Variants in RBMS3 observed in about 807,000 individuals in gnomAD.
The protein encoded by RBMS3 is RNA binding motif single stranded interacting protein 3, also known as RNA-binding motif, single-stranded-interacting protein 3.
A neutral mutation model predicts 66.8 loss-of-function variants in RBMS3; 27 were observed. That is an observed-to-expected ratio of 0.40 (90% CI 0.30 to 0.56). The LOEUF (loss-of-function observed/expected upper bound fraction) is 0.56. Ranked by LOEUF, RBMS3 falls within the 20% of genes least tolerant of loss-of-function variation. The pLI, the probability that RBMS3 is intolerant of heterozygous loss-of-function variation, is 0.40. For synonymous variants in RBMS3, 188 were observed against 183.0 expected (o/e 1.03, Z -0.22); for missense variants, 513 against 549.5 (o/e 0.93, Z 0.66).
chr3:29,641,981 C>T (rs2049732405), intron 4 of RBMS3, among the ~76,000 whole-genome samples: 1 of 152,064 alleles, frequency 6.6e-6, no homozygotes. Flanking sequence ...TTGGCAAGTC[C>T]TACCCAAAGA....
intron 5 of RBMS3, 50 bp from the exon 6 acceptor site, chr3:29,762,860 T>G (rs766043006): frequency 7.9e-7 from 1 of 1,271,846 alleles, no homozygotes. Context: ...TTCTTAAGTT[T>G]CTTTTTCTTG....
chr3:29,558,083 G>A (rs1300981864), intron 3 of RBMS3, among the ~76,000 whole-genome samples: 1 of 152,154 alleles, frequency 6.6e-6, no homozygotes, highest in African/African-American at 2.4e-5. Context: ...CTCACAGTGA[G>A]ATAAAGGAGG....
At chr3:29,739,587 C>A in intron 4 of RBMS3, 133 bp from the exon 5 acceptor site, 3 of 680,076 alleles carry the variant, frequency 4.4e-6, no homozygotes, top group Admixed American at 3.0e-5. Context: ...AGAAGTAATG[C>A]CCCTAGTGAA....
intron 3 of RBMS3, among the ~76,000 whole-genome samples, chr3:29,504,005 C>T (rs2044083692): frequency 6.6e-6 from 1 of 152,096 alleles, no homozygotes; most frequent in South Asian, 2.1e-4. Flanking sequence ...GCTTTGTTCT[C>T]TAAACAGTTT....
intron 4 of RBMS3, among the ~76,000 whole-genome samples, chr3:29,658,154 G>A (rs760301773): frequency 3.3e-5 from 5 of 152,152 alleles, no homozygotes; most frequent in African/African-American, 4.8e-5. Flanking sequence ...TAGGACCCGT[G>A]ATGTCTTAGC....
chr3:29,451,219 C>T (rs1016588172), intron 2 of RBMS3, among the ~76,000 whole-genome samples: 1 of 152,170 alleles, frequency 6.6e-6, no homozygotes, highest in African/African-American at 2.4e-5. Context: ...TTACAGAAAA[C>T]TCAATTTGTG....
intron 1 of RBMS3, among the ~76,000 whole-genome samples, chr3:29,342,256 G>T (rs1005812713): frequency 2.6e-5 from 4 of 152,076 alleles, no homozygotes; most frequent in Non-Finnish European, 4.4e-5. Context: ...GAGGAGATTT[G>T]AGACCTAGTT....
intron 6 of RBMS3, among the ~76,000 whole-genome samples, chr3:29,819,702 T>C (rs569540278): frequency 2.6e-5 from 4 of 152,304 alleles, no homozygotes; most frequent in African/African-American, 4.8e-5. Flanking sequence ...TGTGTATATA[T>C]GCAAAAGATT....
At chr3:29,572,084 T>C (rs1034349352) in intron 3 of RBMS3, among the ~76,000 whole-genome samples, 1 of 152,170 alleles carries the variant, frequency 6.6e-6, no homozygotes, top group African/African-American at 2.4e-5. Flanking sequence ...TTGTTCCCTG[T>C]TGGCATATAG....
rs1577368244 is a variant in RBMS3 at position 30,004,076 on chromosome 3, A to G, written c.*214A>G. 7 of 375,634 alleles carry G rather than the reference A, an allele frequency of 1.9e-5. No homozygotes were observed. The East Asian group carries it at 2.3e-4, about 12-fold the overall frequency. The allele number at this position is 375,634 out of a possible 1,614,324, so 23.3% of individuals were successfully genotyped here. ...TGTGGTCTGACAATTTATTTTTGCC[A>G]TCATTTTTTTAATTAAAGAAAAAAT... is the stretch of plus-strand genomic sequence containing the variant. On this transcript the variant is annotated 3_prime_UTR_variant, in exon 15 of 15. Coordinates refer to ENST00000383767, the MANE Select transcript of RBMS3 (RefSeq NM_001003793.3).
chr3:29,958,697 G>T, intron 12 of RBMS3, among the ~76,000 whole-genome samples: 1 of 152,120 alleles, frequency 6.6e-6, no homozygotes, highest in South Asian at 2.1e-4. Context: ...TTCATTTGAA[G>T]AATTAAATTA....
At chr3:29,758,124 G>A (rs986824957) in intron 5 of RBMS3, among the ~76,000 whole-genome samples, 2 of 152,196 alleles carry the variant, frequency 1.3e-5, no homozygotes, top group African/African-American at 4.8e-5. Flanking sequence ...TCTCATATCA[G>A]GTTATATTCC....
At chr3:29,956,111 CA>C (rs1392492927) in intron 12 of RBMS3, among the ~76,000 whole-genome samples, 3 of 152,052 alleles carry the variant, frequency 2.0e-5, no homozygotes, top group African/African-American at 7.2e-5. Flanking sequence ...CAAGGCCTGC[CA>C]CAGTATAATC....
At chr3:29,581,428 A>G (rs1472543477) in intron 3 of RBMS3, among the ~76,000 whole-genome samples, 1 of 152,152 alleles carries the variant, frequency 6.6e-6, no homozygotes. Context: ...AAGTGCCATC[A>G]GACTTCCAGG....
At chr3:29,368,414 G>A (rs1211945692) in intron 1 of RBMS3, among the ~76,000 whole-genome samples, 1 of 152,034 alleles carries the variant, frequency 6.6e-6, no homozygotes, top group Non-Finnish European at 1.5e-5. Flanking sequence ...TTGTCATCAC[G>A]TTATCCCCAA....
intron 3 of RBMS3, among the ~76,000 whole-genome samples, chr3:29,547,892 C>T (rs561622090): frequency 6.9e-6 from 1 of 145,092 alleles, no homozygotes; most frequent in Non-Finnish European, 1.5e-5. Flanking sequence ...GTTCACACAA[C>T]CTCCGTCTTC....
chr3:29,399,382 G>A (rs1303885764), intron 1 of RBMS3, among the ~76,000 whole-genome samples: 1 of 152,166 alleles, frequency 6.6e-6, no homozygotes, highest in Non-Finnish European at 1.5e-5. Flanking sequence ...ATGTAATTGA[G>A]CATTGTGATT....
intron 3 of RBMS3, among the ~76,000 whole-genome samples, chr3:29,547,486 C>T (rs1342001940): frequency 6.6e-6 from 1 of 151,894 alleles, no homozygotes; most frequent in East Asian, 1.9e-4. Flanking sequence ...AATCCTCCCC[C>T]CGCCCCACCA....
rs1559884167 is a variant in RBMS3 at position 30,005,105 on chromosome 3, A to AAG, written c.*1244_*1245insGA. 6.9e-6 allele frequency: 1 copy of AAG among 145,860 alleles called. No homozygotes were observed. Among genetic ancestry groups the AAG allele is most frequent in the Admixed American group, 6.8e-5 (1 of 14,642 alleles). 9.0% of individuals were successfully genotyped at this position (145,860 alleles called of 1,614,324 possible). A position where few individuals can be genotyped will look rare whatever the true frequency, so the allele number is the denominator to read the frequency against. On this transcript the variant is annotated 3_prime_UTR_variant, in exon 15 of 15. Transcript: ENST00000383767. ...GTTGTTTTCGTTTCTTTTCTTTTTA[A>AAG]AAAAAAAAAAATTTATTTGACCGAC...
Sources: gnomAD v4.1 joint callset for allele counts (sites outside exome capture counted in the v4.1 genomes callset) on GRCh38, gnomAD v4.1.1 for gene constraint, MANE v1.5 for transcripts, NCBI Gene and HGNC (gene_info 2026-07-23, HGNC 2026-07-21) for gene names.